The following GPR179 variants were observed in gnomAD, a reference collection of about 807,000 sequenced individuals.
GPR179 encodes the protein G protein-coupled receptor 179.
In GPR179, 52 loss-of-function variants were observed where a neutral mutation model predicts 70.8. The ratio of observed to expected loss-of-function variants is 0.73; its 90% CI spans 0.59 to 0.93. The LOEUF (loss-of-function observed/expected upper bound fraction) is 0.93, where lower values mean the gene tolerates loss of function less well. Ranked by LOEUF, GPR179 falls within the 40% of genes least tolerant of loss-of-function variation. The probability of loss-of-function intolerance (pLI) is 0.00; values close to 1 mark genes in which losing one functional copy is unlikely to be tolerated. For missense variants in GPR179, 2,734 were observed against 2,966.8 expected, an observed-to-expected ratio of 0.92 and a Z score of 1.82; for synonymous variants, 1,123 against 1,169.0, an observed-to-expected ratio of 0.96 and a Z score of 0.80.
chr17:38,330,625 A>C lies in GPR179; in HGVS notation c.2944T>G (p.Ser982Ala), dbSNP rs1380443364. The change falls in exon 11 of 11, where the codon TCC becomes GCC. Residue 982 changes from serine to alanine, a missense_variant. By Grantham distance (99) the Ser-to-Ala change is moderately conservative. Transcript: ENST00000616987. ...PAPALAPVPV[S>A]PQSPNLLTYI... ...GTGAGTAAGTTGGGGCTTTGTGGGG[A>C]TACTGGGACTGGTGCCAGGGCAGGG... 1 of 1,581,468 alleles carries C rather than the reference A, an allele frequency of 6.3e-7. No homozygotes were observed. The highest frequency in any genetic ancestry group is 8.6e-7 in the Non-Finnish European group (1 of 1,164,046).
chr17:38,328,270 C>G lies in GPR179; in HGVS notation c.5299G>C (p.Val1767Leu), dbSNP rs375574374. 9 of 1,613,808 alleles carry G rather than the reference C, an allele frequency of 5.6e-6. No homozygotes were observed. Among genetic ancestry groups the G allele is most frequent in the Non-Finnish European group, 7.6e-6 (9 of 1,180,046 alleles). The stretch of plus-strand genomic sequence containing the variant: ...TGCTGAGAACAGGCCCCTGGACCCA[C>G]ACTCCCCCAGGGACAAGCCACCTCC... The part of the protein sequence containing the change: ...EWEVACPWGS[V>L]GPGACSQHPG... The change falls in exon 11 of 11, where the codon GTG becomes CTG. Residue 1767 changes from valine (V) to leucine (L), a missense_variant. By Grantham distance (32) the Val-to-Leu change is conservative. Coordinates refer to ENST00000616987, the MANE Select transcript of GPR179 (RefSeq NM_001004334.4).
At chr17:38,338,527 A>G (rs2037425026) in intron 2 of GPR179, among the ~76,000 whole-genome samples, 3 of 152,264 alleles carry the variant, frequency 2.0e-5, no homozygotes, top group Admixed American at 2.0e-4. Flanking sequence ...TGGACTACAC[A>G]GTCTGCACAA....
Position 38,328,260 on chromosome 17 carries a change from C to G in GPR179, c.5309G>C (p.Gly1770Ala). The G allele has an allele frequency of 1.2e-6, 2 of 1,613,846 alleles. No individual in the cohort carries two copies. Among genetic ancestry groups the G allele is most frequent in the Non-Finnish European group, 1.7e-6 (2 of 1,180,024 alleles). Residue 1770 changes from glycine to alanine, a missense_variant, in exon 11 of 11, where the codon GGG becomes GCG. Coordinates refer to ENST00000616987, the MANE Select transcript of GPR179 (RefSeq NM_001004334.4). Reference sequence around the variant, plus strand: ...AGTACCTGGATGCTGAGAACAGGCCCCTGGACCCACACTCCCCCAGGGACA... The same window carrying G: ...AGTACCTGGATGCTGAGAACAGGCCGCTGGACCCACACTCCCCCAGGGACA... Reference protein sequence around the residue: ...VACPWGSVGPGACSQHPGTLD... With the variant: ...VACPWGSVGPAACSQHPGTLD...
In GPR179 at chr17:38,343,339, A is replaced by G. The variant is rs759389082; in HGVS notation, c.451T>C (p.Phe151Leu). 1.2e-6 allele frequency: 2 copies of G among 1,614,126 alleles called. No homozygotes were observed. The highest frequency in any genetic ancestry group is 4.5e-5 in the East Asian group (2 of 44,878). ...TGGCTGGCCCCTGGTGGAGGGTTAA[A>G]GGTCAGCAAAGCCCTGTACACTCTT... ...DPRVYRALLT[F>L]NPPPGASHLQ... The change falls in exon 1 of 11, where the codon TTT (phenylalanine) becomes CTT (leucine). Residue 151 changes from phenylalanine to leucine, a missense_variant. Transcript: ENST00000616987. The surrounding 1 kb of genome is among the most constrained non-coding windows in gnomAD (Gnocchi z 4.2).
chr17:38,328,551 G>T lies in GPR179; in HGVS notation c.5018C>A (p.Thr1673Asn). 6.2e-7 allele frequency: 1 copy of T among 1,614,072 alleles called. No individual in the cohort carries two copies. Among genetic ancestry groups the T allele is most frequent in the Non-Finnish European group, 8.5e-7 (1 of 1,180,020 alleles). ...PRPQDTERPQTLLQMSGSVGS... is the reference protein window; with the variant it reads ...PRPQDTERPQNLLQMSGSVGS... ...CACACTGCCTGACATCTGGAGAAGGGTTTGGGGTCTCTCTGTGTCTTGAGG... is the reference window on the plus strand; with the variant it reads ...CACACTGCCTGACATCTGGAGAAGGTTTTGGGGTCTCTCTGTGTCTTGAGG... Residue 1673 changes from threonine (T) to asparagine (N), a missense_variant, in exon 11 of 11, where the codon ACC becomes AAC. Coordinates refer to ENST00000616987, the MANE Select transcript of GPR179 (RefSeq NM_001004334.4).
rs756404435 is a variant in GPR179, at chr17:38,328,966, C to G, written c.4603G>C (p.Val1535Leu). 31 of 1,614,070 alleles carry G rather than the reference C, an allele frequency of 1.9e-5. No individual in the cohort carries two copies. The South Asian group carries it at 3.1e-4, about 16-fold the overall frequency. ...GGGACCGTGCTCTCCCTGGGACAAA[C>G]TGACTCCTGCTGTTGACTTAATTTC... ...VQKLSQQQES[V>L]CPRESTVPGH... is the part of the protein sequence containing the mutation. Residue 1535 changes from valine (V) to leucine (L), a missense_variant, in exon 11 of 11, where the codon GTT (valine) becomes CTT (leucine). Val to Leu is a conservative substitution (Grantham distance 32). Transcript: ENST00000616987.
rs897579073 is a variant in GPR179, at chr17:38,328,644, A to T, written c.4925T>A (p.Ile1642Asn). 6.2e-7 allele frequency: 1 copy of T among 1,613,998 alleles called. No individual in the cohort carries two copies. The highest frequency in any genetic ancestry group is 8.5e-7 in the Non-Finnish European group (1 of 1,179,992). ...GGGGCCGACCGCTTCTTGCTTTTGGATCTGCCCCTCAGGCTTTTCCCAAGC... is the reference window on the plus strand; with the variant it reads ...GGGGCCGACCGCTTCTTGCTTTTGGTTCTGCCCCTCAGGCTTTTCCCAAGC... ...VTAWEKPEGQ[I>N]QKQEAVGPWE... Residue 1642 changes from isoleucine to asparagine, a missense_variant, in exon 11 of 11, where the codon ATC (isoleucine) becomes AAC (asparagine). Ile to Asn is a moderately radical substitution (Grantham distance 149, BLOSUM62 -3). Transcript: ENST00000616987.
rs925946137 is a variant in GPR179, at chr17:38,337,227, G to A, written c.992-14C>T. The A allele has an allele frequency of 1.9e-6, 3 of 1,597,550 alleles. No homozygotes were observed. The Admixed American group carries it at 5.1e-5, about 27-fold the overall frequency. On this transcript the variant is annotated splice_polypyrimidine_tract_variant and intron_variant, in intron 3 of 10. Transcript: ENST00000616987. ...TCTCCTCTAACCCTATAAAGAACAA[G>A]ATGAGTGCAGGGAGAGGGGCCCAGC...
rs777966843 is a variant in GPR179, at chr17:38,330,677, C to T, written c.2892G>A (p.Leu964=). 7 of 1,600,188 alleles carry T rather than the reference C, an allele frequency of 4.4e-6. No individual in the cohort carries two copies. In the Admixed American group the frequency reaches 6.8e-5, roughly 16 times the overall value. ...CTGGGGTTGGAGCTAGAGCTGGCAGCAGAGCTGGAGCCAAGGTGGAGGTGG... is the reference window on the plus strand; with the variant it reads ...CTGGGGTTGGAGCTAGAGCTGGCAGTAGAGCTGGAGCCAAGGTGGAGGTGG... The part of the protein sequence containing the change: ...LSPTSTLAPA[L]LPALAPTPAP... Residue 964 remains leucine (L), a synonymous_variant, in exon 11 of 11, where the codon CTG becomes CTA. Coordinates refer to ENST00000616987, the MANE Select transcript of GPR179 (RefSeq NM_001004334.4).
Position 38,331,067 on chromosome 17 carries a change from G to C in GPR179, c.2502C>G (p.Pro834=). ...TVGERLPRAR[P]ASLQKSLSVA... is the part of the protein sequence containing the mutation. ...CACTGAGCGACTTCTGCAGAGAGGC[G>C]GGCCGGGCTCTGGGTAGCCTCTCTC... The change falls in exon 11 of 11, where the codon CCC becomes CCG. Residue 834 remains proline, a synonymous_variant. Coordinates refer to ENST00000616987, the MANE Select transcript of GPR179 (RefSeq NM_001004334.4). 6.2e-7 allele frequency: 1 copy of C among 1,601,502 alleles called. No individual in the cohort carries two copies. Among genetic ancestry groups the C allele is most frequent in the Non-Finnish European group, 8.5e-7 (1 of 1,179,032 alleles).
intron 1 of GPR179, among the ~76,000 whole-genome samples, chr17:38,341,555 C>G (rs1355793394): frequency 1.3e-5 from 2 of 152,198 alleles, no homozygotes; most frequent in Admixed American, 1.3e-4. Flanking sequence ...GAGAACCCTG[C>G]TGGGAACAAT....
chr17:38,330,955 G>T lies in GPR179; in HGVS notation c.2614C>A (p.Arg872=). The change falls in exon 11 of 11, where the codon CGG becomes AGG. Residue 872 remains arginine, a synonymous_variant. Transcript: ENST00000616987. ...TYRQAKEREE[R]KKAKAAMASL... is the part of the protein sequence containing the mutation. ...GCCATGGCTGCCTTGGCCTTCTTCC[G>T]CTCCTCCCGCTCCTTTGCTTGCCGG... 3 of 1,611,080 alleles carry T rather than the reference G, an allele frequency of 1.9e-6. No individual in the cohort carries two copies. The highest frequency in any genetic ancestry group is 2.5e-6 in the Non-Finnish European group (3 of 1,179,006).
chr17:38,333,978 G>C lies in GPR179; in HGVS notation c.1845C>G (p.Thr615=), dbSNP rs746499348. 7 of 1,613,888 alleles carry C rather than the reference G, an allele frequency of 4.3e-6. No individual in the cohort carries two copies. The South Asian group carries it at 6.6e-5, about 15-fold the overall frequency. Reference sequence around the variant, plus strand: ...CCAGCGTGGTGGTGACTGTGCTGTGGGTGTGGAAGAAGAAGAGGAGGAGGG... The same window carrying C: ...CCAGCGTGGTGGTGACTGTGCTGTGCGTGTGGAAGAAGAAGAGGAGGAGGG... ...DWTLLLFFFH[T]HSTVTTTLAL... is the part of the protein sequence containing the mutation. The change falls in exon 9 of 11, where the codon ACC becomes ACG. Residue 615 remains threonine (T), a synonymous_variant. Coordinates refer to ENST00000616987, the MANE Select transcript of GPR179 (RefSeq NM_001004334.4).
At chr17:38,342,051 C>T (rs1024260245) in intron 1 of GPR179, among the ~76,000 whole-genome samples, 2 of 151,994 alleles carry the variant, frequency 1.3e-5, no homozygotes, top group African/African-American at 4.8e-5. Flanking sequence ...TGGGAGGCTG[C>T]AGCTGCCGTG....
Position 38,326,146 on chromosome 17 carries a change from G to T in GPR179, c.*319C>A. On this transcript the variant is annotated 3_prime_UTR_variant, in exon 11 of 11. Coordinates refer to ENST00000616987, the MANE Select transcript of GPR179 (RefSeq NM_001004334.4). ...TTTCATCCCTAACAGTGGCTTTGTG[G>T]GTGAGTGTCCAGACTCGGGTGGTTT... 1 of 304,706 alleles carries T rather than the reference G, an allele frequency of 3.3e-6. No individual in the cohort carries two copies. The highest frequency in any genetic ancestry group is 4.6e-5 in the Admixed American group (1 of 21,878). The allele number at this position is 304,706 out of a possible 1,614,324, so 18.9% of individuals were successfully genotyped here.
At position 38,328,132 on chromosome 17, in the gene GPR179, C is replaced by A; in HGVS notation, c.5437G>T (p.Glu1813Ter). Residue 1813 changes from glutamate (E) to a stop codon, truncating the protein, a stop_gained, in exon 11 of 11, where the codon GAA (glutamate) becomes TAA (stop). Transcript: ENST00000616987. LOFTEE classifies it low-confidence loss of function (END_TRUNC). ...PWEAQEAATSEKAKICPWEVS... is the reference protein window; with the variant it reads ...PWEAQEAATS ...TCCCAGGGACAGATCTTGGCTTTTT[C>A]ACTGGTAGCAGCTTCCTGTGCTTCC... is the stretch of plus-strand genomic sequence containing the variant. 6.2e-7 allele frequency: 1 copy of A among 1,613,712 alleles called. No individual in the cohort carries two copies. The highest frequency in any genetic ancestry group is 8.5e-7 in the Non-Finnish European group (1 of 1,179,960).
Position 38,327,662 on chromosome 17 carries a change from G to C in GPR179, c.5907C>G (p.Val1969=), listed in dbSNP as rs757639837. ...CAGGGCGCTGTCTGTCTAGGTGAGAGACGGAATCTGCTGGGGCAGTGGTCT... is the reference window on the plus strand; with the variant it reads ...CAGGGCGCTGTCTGTCTAGGTGAGACACGGAATCTGCTGGGGCAGTGGTCT... The part of the protein sequence containing the change: ...PWETTAPADS[V]SHLDRQRPDQ... The change falls in exon 11 of 11, where the codon GTC becomes GTG. Residue 1969 remains valine, a synonymous_variant. Coordinates refer to ENST00000616987, the MANE Select transcript of GPR179 (RefSeq NM_001004334.4). 1 of 1,614,258 alleles carries C rather than the reference G, an allele frequency of 6.2e-7. No homozygotes were observed. The highest frequency in any genetic ancestry group is 1.7e-5 in the Admixed American group (1 of 60,030).
intron 3 of GPR179, 60 bp from the exon 4 acceptor site, chr17:38,337,273 G>A: frequency 6.6e-7 from 1 of 1,515,776 alleles, no homozygotes; most frequent in African/African-American, 1.4e-5. Flanking sequence ...TGACATCCCA[G>A]CCTTTTCCCT....
In GPR179 at chr17:38,333,317, G is replaced by T. The variant is rs1427582285; in HGVS notation, c.1971C>A (p.Gly657=). ...AGGCGATGCTGCTGCCAAGGTAGGA[G>T]CCTGAGTGCTGCAGGTCCAGCTCGT... ...CEDELDLQHS[G]SYLGSSIASA... Residue 657 remains glycine (G), a synonymous_variant, in exon 10 of 11, where the codon GGC becomes GGA. Coordinates refer to ENST00000616987, the MANE Select transcript of GPR179 (RefSeq NM_001004334.4). 1 of 1,613,968 alleles carries T rather than the reference G, an allele frequency of 6.2e-7. No individual in the cohort carries two copies. The highest frequency in any genetic ancestry group is 1.3e-5 in the African/African-American group (1 of 74,914).
Sources: allele counts gnomAD v4.1 joint callset (sites outside exome capture counted in the v4.1 genomes callset), GRCh38; gene constraint gnomAD v4.1.1; non-coding constraint Gnocchi (gnomAD v3.1); transcripts MANE v1.5; gene names NCBI Gene and HGNC (gene_info 2026-07-23, HGNC 2026-07-21).